MYO9A: variants seen among roughly 807,000 people sequenced by gnomAD.
MYO9A encodes the protein unconventional myosin-IXa.
MYO9A carries 103 observed loss-of-function variants against 293.3 expected under a neutral mutation model. The observed-to-expected ratio is 0.35, with a 90% CI of 0.30 to 0.41. MYO9A has a LOEUF of 0.41. MYO9A is among the 10% of genes least tolerant of loss of function. The probability of loss-of-function intolerance (pLI) is 1.00; values close to 1 mark genes in which losing one functional copy is unlikely to be tolerated. For missense variants in MYO9A, 2,685 were observed against 3,033.0 expected, an observed-to-expected ratio of 0.89 and a Z score of 2.69; for synonymous variants, 1,001 against 1,035.7, an observed-to-expected ratio of 0.97 and a Z score of 0.64.
intron 15 of MYO9A, among the ~76,000 whole-genome samples, chr15:71,948,471 T>A (rs989043038): frequency 6.6e-6 from 1 of 152,202 alleles, no homozygotes; most frequent in Non-Finnish European, 1.5e-5. Context: ...GAAAATTGTT[T>A]GAAATTTAAG....
chr15:71,938,707 T>G lies in MYO9A; in HGVS notation c.2378+145A>C, dbSNP rs530590929. 249 of 593,738 alleles carry G rather than the reference T, an allele frequency of 4.2e-4. 1 individual carries two copies. In the African/African-American group the frequency reaches 4.5e-3, roughly 11 times the overall value. The allele number at this position is 593,738 out of a possible 1,614,324, so 36.8% of individuals were successfully genotyped here. A position where few individuals can be genotyped will look rare whatever the true frequency, so the allele number is the denominator to read the frequency against. On this transcript the variant is annotated intron_variant, in intron 16 of 41. Transcript: ENST00000356056. Reference sequence around the variant, plus strand: ...TGTTAACTTTAACCTATTAATGTGTTATTACATCACTTATAAAGGATTCAA... The same window carrying G: ...TGTTAACTTTAACCTATTAATGTGTGATTACATCACTTATAAAGGATTCAA...
intron 4 of MYO9A, among the ~76,000 whole-genome samples, chr15:72,022,389 G>A (rs570842183): frequency 2.6e-5 from 4 of 152,018 alleles, no homozygotes; most frequent in South Asian, 4.2e-4. Flanking sequence ...GCATCATGAC[G>A]TGCGCCTGTA....
At chr15:72,046,751 T>A in intron 1 of MYO9A, 117 bp from the exon 2 acceptor site, 1 of 579,030 alleles carries the variant, frequency 1.7e-6, no homozygotes, top group South Asian at 4.2e-5. Flanking sequence ...AAATACTAAC[T>A]CTTGTCTTAG....
chr15:72,066,798 G>T (rs1222552715), intron 1 of MYO9A, among the ~76,000 whole-genome samples: 2 of 151,744 alleles, frequency 1.3e-5, no homozygotes, highest in African/African-American at 4.8e-5. Flanking sequence ...GCTTGAACCC[G>T]GGAGGCAGAG....
At chr15:71,978,776 A>C (rs2076203443) in intron 11 of MYO9A, among the ~76,000 whole-genome samples, 1 of 26,450 alleles carries the variant, frequency 3.8e-5, no homozygotes. Flanking sequence ...AATCTTTAGG[A>C]CTTTTTTTTT....
intron 1 of MYO9A, among the ~76,000 whole-genome samples, chr15:72,101,888 C>G (rs1335001449): frequency 6.6e-6 from 1 of 152,134 alleles, no homozygotes; most frequent in Admixed American, 6.5e-5. Flanking sequence ...CCCCGACCGG[C>G]CAGCGGCCCC....
rs142432028 is a variant in MYO9A at position 71,981,641 on chromosome 15, G to GTCTCTCTCTCTCTC, written c.1723-3363_1723-3350dup. On this transcript the variant is annotated intron_variant, in intron 11 of 41. Coordinates refer to ENST00000356056, the MANE Select transcript of MYO9A (RefSeq NM_006901.4). ...TTATTTATATCCCTCTCTCTGTCTT[G>GTCTCTCTCTCTCTC]TCTCTCTCTCTCTCTCTCTCTCTCT... 4.2e-4 allele frequency among the ~76,000 whole-genome samples: 61 copies of GTCTCTCTCTCTCTC among 144,484 alleles called. No homozygotes were observed. The East Asian group carries it at 9.1e-3, about 22-fold the overall frequency. The allele number at this position is 144,484 out of a possible 152,430, so 94.8% of individuals were successfully genotyped here. A position where few individuals can be genotyped will look rare whatever the true frequency, so the allele number is the denominator to read the frequency against.
At chr15:72,108,802 A>C (rs2080668679) in intron 1 of MYO9A, among the ~76,000 whole-genome samples, 2 of 134,708 alleles carry the variant, frequency 1.5e-5, no homozygotes, top group East Asian at 2.1e-4. Context: ...CACTCTTGTC[A>C]CCCAGGCTGG....
At chr15:71,996,745 A>C (rs549597340) in intron 9 of MYO9A, among the ~76,000 whole-genome samples, 13 of 152,192 alleles carry the variant, frequency 8.5e-5, no homozygotes, top group African/African-American at 3.1e-4. Context: ...CATTCTGCAA[A>C]GCAAATATCA....
In MYO9A at chr15:71,899,697, C is replaced by T; in HGVS notation, c.3460G>A (p.Ala1154Thr). The change falls in exon 24 of 42, where the codon GCA (alanine) becomes ACA (threonine). Residue 1154 changes from alanine to threonine, a missense_variant. Around this residue, in one of 10 missense-constraint regions of MYO9A, gnomAD observed 1,434 missense variants for 1,497.7 expected, o/e 0.96. Transcript: ENST00000356056. ...LLQSTCRGFR[A>T]RQRFKALKEQ... ...AGTAATAGAGATTACCTTTGTCTTG[C>T]TCTGAATCCTCTACATGTTGATTGC... 2 of 1,612,038 alleles carry T rather than the reference C, an allele frequency of 1.2e-6. No individual in the cohort carries two copies. Among genetic ancestry groups the T allele is most frequent in the South Asian group, 2.2e-5 (2 of 90,798 alleles).
At chr15:71,915,024 T>C (rs2057967605) in intron 19 of MYO9A, among the ~76,000 whole-genome samples, 1 of 152,178 alleles carries the variant, frequency 6.6e-6, no homozygotes, top group African/African-American at 2.4e-5. Context: ...AAGTACTTTT[T>C]GACCAGAATT....
At chr15:71,849,017 A>G (rs2055514124) in intron 38 of MYO9A, 49 bp from the exon 39 acceptor site, 3 of 1,519,490 alleles carry the variant, frequency 2.0e-6, no homozygotes, top group East Asian at 4.6e-5. Flanking sequence ...GAAGTAAATA[A>G]AGTATAGCAC....
At chr15:71,964,010 G>A (rs949896474) in intron 13 of MYO9A, among the ~76,000 whole-genome samples, 8 of 151,944 alleles carry the variant, frequency 5.3e-5, no homozygotes, top group African/African-American at 1.9e-4. Context: ...TGTTAGTTTT[G>A]GTAAAGTGTT....
rs2075921215 is a variant in MYO9A, at chr15:71,968,071, T to G, written c.1899A>C (p.Glu633Asp). 2.5e-6 allele frequency: 4 copies of G among 1,612,318 alleles called. No individual in the cohort carries two copies. The highest frequency in any genetic ancestry group is 3.4e-6 in the Non-Finnish European group (4 of 1,179,168). Residue 633 changes from glutamate (E) to aspartate (D), a missense_variant, in exon 13 of 42, where the codon GAA (glutamate) becomes GAC (aspartate). This residue lies in a region of MYO9A where 201 missense variants were observed against 245.2 expected (regional missense o/e 0.82). Transcript: ENST00000356056. The stretch of plus-strand genomic sequence containing the variant: ...CTGGAAATTCGATGTAAGAATTATC[T>G]TCATGTTGATGCTTAAACTTGTCTA... ...TLLDKFKHQH[E>D]DNSYIEFPAV...
intron 15 of MYO9A, among the ~76,000 whole-genome samples, chr15:71,941,433 T>C (rs928671771): frequency 1.3e-5 from 2 of 152,062 alleles, no homozygotes; most frequent in Non-Finnish European, 2.9e-5. Context: ...AGACTCCATC[T>C]CAAAAACAAC....
At chr15:71,912,444 T>TGG in intron 19 of MYO9A, among the ~76,000 whole-genome samples, 1 of 152,168 alleles carries the variant, frequency 6.6e-6, no homozygotes, top group East Asian at 1.9e-4. Context: ...TCAGTAGAGA[T>TGG]GGGGATTCAC....
At chr15:71,892,201 T>G (rs1378486184) in intron 26 of MYO9A, 2 of 152,236 alleles carry the variant, frequency 1.3e-5, no homozygotes, top group Non-Finnish European at 2.9e-5. Flanking sequence ...TATAGTTATA[T>G]TCTTAGCTTA....
At chr15:71,948,754 CTGTTAGTCTGAAAA>C (rs1391504831) in intron 15 of MYO9A, among the ~76,000 whole-genome samples, 1 of 152,190 alleles carries the variant, frequency 6.6e-6, no homozygotes, top group Non-Finnish European at 1.5e-5. Flanking sequence ...TTCCCAGACT[CTGTTAGTCTGAAAA>C]TGTATTTCAC....
chr15:72,090,526 T>C (rs1426515278), intron 1 of MYO9A, among the ~76,000 whole-genome samples: 2 of 152,178 alleles, frequency 1.3e-5, no homozygotes, highest in Non-Finnish European at 2.9e-5. Flanking sequence ...TACGTAACCT[T>C]AGAAACCAAA....
Sources: allele counts gnomAD v4.1 joint callset (sites outside exome capture counted in the v4.1 genomes callset), GRCh38; gene constraint gnomAD v4.1.1; regional missense constraint gnomAD v4.1.1; transcripts MANE v1.5; gene names NCBI Gene and HGNC (gene_info 2026-07-23, HGNC 2026-07-21).